Variants in CPNE8 observed in about 807,000 individuals in gnomAD.
CPNE8 encodes copine 8.
CPNE8 carries 45 observed loss-of-function variants against 81.5 expected under a neutral mutation model. The observed-to-expected ratio is 0.55, with a 90% CI of 0.44 to 0.71. CPNE8 has a LOEUF of 0.71. CPNE8 is among the 30% of genes least tolerant of loss of function. CPNE8 has a pLI of 0.00. For missense variants in CPNE8, 594 were observed against 672.1 expected (o/e 0.88, Z 1.28); for synonymous variants, 252 against 226.3 (o/e 1.11, Z -1.02).
chr12:38,883,357 G>C (rs1200866750), intron 1 of CPNE8, among the ~76,000 whole-genome samples: 1 of 152,042 alleles, frequency 6.6e-6, no homozygotes, highest in African/African-American at 2.4e-5. Flanking sequence ...TTATTATTTA[G>C]CATCATTTCA....
chr12:38,727,127 C>A (rs560475831), intron 11 of CPNE8, among the ~76,000 whole-genome samples: 1 of 152,220 alleles, frequency 6.6e-6, no homozygotes, highest in Non-Finnish European at 1.5e-5. Flanking sequence ...TTGTCAAAAT[C>A]AAATTTTTTC....
At chr12:38,717,710 G>A (rs1027361152) in intron 13 of CPNE8, among the ~76,000 whole-genome samples, 1 of 151,492 alleles carries the variant, frequency 6.6e-6, no homozygotes, top group Non-Finnish European at 1.5e-5. Context: ...ATTGGATACA[G>A]TGTATATTGC....
chr12:38,759,553 A>G (rs1426439491), intron 10 of CPNE8, among the ~76,000 whole-genome samples: 1 of 152,242 alleles, frequency 6.6e-6, no homozygotes, highest in Non-Finnish European at 1.5e-5. Flanking sequence ...CATAGCATGG[A>G]TTATTATGAA....
At chr12:38,853,267 C>T (rs1943676407) in intron 3 of CPNE8, among the ~76,000 whole-genome samples, 1 of 152,090 alleles carries the variant, frequency 6.6e-6, no homozygotes, top group Non-Finnish European at 1.5e-5. Context: ...CTATACCTAT[C>T]AAAGGGGTGT....
chr12:38,830,222 T>C (rs77000917), intron 5 of CPNE8, among the ~76,000 whole-genome samples: 1,921 of 152,272 alleles, frequency 0.013, 47 homozygotes, highest in African/African-American at 0.043. Context: ...TTATTTCACA[T>C]TGCATGCCTA....
intron 10 of CPNE8, among the ~76,000 whole-genome samples, chr12:38,733,269 T>G (rs763804847): frequency 1.3e-5 from 2 of 151,952 alleles, no homozygotes; most frequent in Non-Finnish European, 2.9e-5. Flanking sequence ...CTTCAAATAC[T>G]ATACATTAAA....
At chr12:38,735,773 A>T (rs965427432) in intron 10 of CPNE8, among the ~76,000 whole-genome samples, 6 of 152,030 alleles carry the variant, frequency 3.9e-5, no homozygotes, top group African/African-American at 1.4e-4. Flanking sequence ...AATCTGCAGA[A>T]CTAGCATGAT....
chr12:38,675,267 T>A (rs147384358), intron 18 of CPNE8, among the ~76,000 whole-genome samples: 3 of 152,338 alleles, frequency 2.0e-5, no homozygotes, highest in East Asian at 3.9e-4. Flanking sequence ...CGAAAACCCA[T>A]TAAATTAGCA....
intron 19 of CPNE8, among the ~76,000 whole-genome samples, chr12:38,658,138 G>T (rs1414186782): frequency 6.6e-6 from 1 of 152,116 alleles, no homozygotes; most frequent in African/African-American, 2.4e-5. Flanking sequence ...TCACAAGGAA[G>T]CTAAAAACCT....
At chr12:38,760,435 GTATA>G (rs139244982) in intron 10 of CPNE8, among the ~76,000 whole-genome samples, 3 of 127,276 alleles carry the variant, frequency 2.4e-5, no homozygotes, top group African/African-American at 1.0e-4. Context: ...TGTATGGTGT[GTATA>G]TATATATATA....
In CPNE8 at chr12:38,859,763, T is replaced by C. The variant is rs142792077; in HGVS notation, c.187-11101A>G. 3.1e-3 allele frequency among the ~76,000 whole-genome samples: 467 copies of C among 152,206 alleles called. 5 individuals carry two copies. Among genetic ancestry groups the C allele is most frequent in the African/African-American group, 0.01 (432 of 41,550 alleles). On this transcript the variant is annotated intron_variant, in intron 3 of 19. Transcript: ENST00000331366. ...ATAGAAGAGAAAGCTCATAAATAAA[T>C]TCACACAGAGATGTTTAACTGATCT... is the stretch of plus-strand genomic sequence containing the variant.
At chr12:38,859,151 T>A (rs190998026) in intron 3 of CPNE8, among the ~76,000 whole-genome samples, 393 of 151,564 alleles carry the variant, frequency 2.6e-3, no homozygotes, top group African/African-American at 9.2e-3. Flanking sequence ...ACAGAGGAAG[T>A]AAAATTATCT....
intron 6 of CPNE8, among the ~76,000 whole-genome samples, chr12:38,777,111 G>A (rs1941953528): frequency 6.6e-6 from 1 of 151,964 alleles, no homozygotes; most frequent in African/African-American, 2.4e-5. Flanking sequence ...GTTATCACAG[G>A]AGACAACAGC....
intron 1 of CPNE8, among the ~76,000 whole-genome samples, chr12:38,888,174 A>G (rs1299263468): frequency 6.6e-6 from 1 of 152,220 alleles, no homozygotes; most frequent in Non-Finnish European, 1.5e-5. Context: ...TATATTGATC[A>G]TATGACTGGA....
intron 4 of CPNE8, among the ~76,000 whole-genome samples, chr12:38,843,504 TG>T (rs1943506252): frequency 6.6e-6 from 1 of 152,006 alleles, no homozygotes; most frequent in Admixed American, 6.6e-5. Context: ...CTCCAAAATC[TG>T]GGATGCCTGC....
At chr12:38,854,542 G>T (rs1943699300) in intron 3 of CPNE8, among the ~76,000 whole-genome samples, 1 of 151,798 alleles carries the variant, frequency 6.6e-6, no homozygotes, top group Admixed American at 6.6e-5. Flanking sequence ...CTATCAGCCT[G>T]AATTCAACAG....
At chr12:38,890,367 G>T (rs541492512) in intron 1 of CPNE8, among the ~76,000 whole-genome samples, 27 of 152,072 alleles carry the variant, frequency 1.8e-4, no homozygotes, top group African/African-American at 6.5e-4. Flanking sequence ...GTGTAGGAAA[G>T]ACATGATTTA....
chr12:38,710,268 CAAAAAAAAA>C (rs57376063), intron 13 of CPNE8, among the ~76,000 whole-genome samples: 37 of 50,300 alleles, frequency 7.4e-4, no homozygotes, highest in African/African-American at 2.2e-3. Context: ...AATAAGCTAA[CAAAAAAAAA>C]AAAAAAAAAA....
chr12:38,760,247 CTCA>C (rs1941545013), intron 10 of CPNE8, among the ~76,000 whole-genome samples: 1 of 151,956 alleles, frequency 6.6e-6, no homozygotes, highest in South Asian at 2.1e-4. Flanking sequence ...TTACAAACAT[CTCA>C]TCATCATCCT....
Sources: gnomAD v4.1 joint callset for allele counts (sites outside exome capture counted in the v4.1 genomes callset) on GRCh38, gnomAD v4.1.1 for gene constraint, MANE v1.5 for transcripts, NCBI Gene and HGNC (gene_info 2026-07-23, HGNC 2026-07-21) for gene names.